Variants in SLC39A11 observed in about 807,000 individuals in gnomAD.
SLC39A11 encodes the protein solute carrier family 39 member 11, also known as zinc transporter ZIP11.
Under a neutral mutation model 36.1 loss-of-function variants are expected in SLC39A11, and 33 were observed. That is an observed-to-expected ratio of 0.91 (90% CI 0.69 to 1.22). SLC39A11 has a LOEUF of 1.22. Ranked by LOEUF, SLC39A11 falls within the 50% of genes most tolerant of loss-of-function variation. SLC39A11 has a pLI of 0.00. For synonymous variants in SLC39A11, 166 were observed against 170.3 expected, an observed-to-expected ratio of 0.97 and a Z score of 0.20; for missense variants, 432 against 430.3, an observed-to-expected ratio of 1.00 and a Z score of -0.03.
At chr17:72,792,407 C>T (rs1328390906) in intron 6 of SLC39A11, among the ~76,000 whole-genome samples, 1 of 152,204 alleles carries the variant, frequency 6.6e-6, no homozygotes, top group Non-Finnish European at 1.5e-5. Flanking sequence ...TGATGTGGAA[C>T]TACCTAGGTG....
chr17:72,846,018 C>CTTTTTGTTTTTT (rs2079036367), intron 6 of SLC39A11, among the ~76,000 whole-genome samples: 1 of 57,950 alleles, frequency 1.7e-5, no homozygotes, highest in Non-Finnish European at 2.8e-5. Context: ...CTCTCTCTCT[C>CTTTTTGTTTTTT]TTTTTTTTTT....
intron 7 of SLC39A11, among the ~76,000 whole-genome samples, chr17:72,715,308 A>G (rs2073305809): frequency 6.6e-6 from 1 of 152,216 alleles, no homozygotes; most frequent in Admixed American, 6.5e-5. Context: ...CATATACCCC[A>G]AAGAACCTCA....
chr17:72,816,444 T>C (rs2077587280), intron 6 of SLC39A11, among the ~76,000 whole-genome samples: 3 of 38,556 alleles, frequency 7.8e-5, no homozygotes, highest in African/African-American at 3.4e-4. Flanking sequence ...CCTTTCTTAA[T>C]TAGAAGCGAA....
intron 7 of SLC39A11, among the ~76,000 whole-genome samples, chr17:72,659,873 T>C (rs1475500833): frequency 2.0e-5 from 3 of 152,132 alleles, no homozygotes; most frequent in Non-Finnish European, 4.4e-5. Context: ...AGTGTTGGGA[T>C]TACAGGCTTG....
In SLC39A11 at chr17:72,784,860, CTTTT is replaced by C. The variant is rs10594452; in HGVS notation, c.602-48145_602-48142del. On this transcript the variant is annotated intron_variant, in intron 6 of 9. Transcript: ENST00000255559. Reference sequence around the variant, plus strand: ...CAATTAAACCTCTTTTTTCTTTCTTCTTTTTTTTTTTTTTTTTTAGATGGAATCT... The same window carrying C: ...CAATTAAACCTCTTTTTTCTTTCTTCTTTTTTTTTTTTTTAGATGGAATCT... 5.9e-3 allele frequency among the ~76,000 whole-genome samples: 799 copies of C among 134,696 alleles called. 5 individuals are homozygous for C. Among genetic ancestry groups the C allele is most frequent in the Middle Eastern group, 0.015 (4 of 260 alleles). The allele number at this position is 134,696 out of a possible 152,430, so 88.4% of individuals were successfully genotyped here.
intron 5 of SLC39A11, among the ~76,000 whole-genome samples, chr17:72,860,664 T>G (rs763737447): frequency 2.4e-4 from 37 of 152,188 alleles, no homozygotes; most frequent in Admixed American, 1.0e-3. Flanking sequence ...CTTTTCTTAC[T>G]TCTTCAGGAT....
At chr17:72,938,901 T>G (rs1432576331) in intron 5 of SLC39A11, among the ~76,000 whole-genome samples, 1 of 152,250 alleles carries the variant, frequency 6.6e-6, no homozygotes, top group African/African-American at 2.4e-5. Context: ...CAGTAGATAC[T>G]TAATGAATAT....
At chr17:72,978,759 C>T (rs1048519694) in intron 4 of SLC39A11, among the ~76,000 whole-genome samples, 1 of 152,072 alleles carries the variant, frequency 6.6e-6, no homozygotes, top group African/African-American at 2.4e-5. Context: ...GATGGGTCCA[C>T]AAGACCTTTT....
chr17:72,711,353 G>A (rs771940963), intron 7 of SLC39A11, among the ~76,000 whole-genome samples: 2 of 152,168 alleles, frequency 1.3e-5, no homozygotes, highest in Non-Finnish European at 2.9e-5. Context: ...TCCTTAAAGG[G>A]GGGAAGTGTA....
At chr17:73,085,285 T>C (rs1312342250) in intron 2 of SLC39A11, among the ~76,000 whole-genome samples, 1 of 151,880 alleles carries the variant, frequency 6.6e-6, no homozygotes, top group South Asian at 2.1e-4. Context: ...GGCGGGCAGA[T>C]CACCTGAGGT....
chr17:73,029,070 A>G (rs1470214289), intron 4 of SLC39A11, among the ~76,000 whole-genome samples: 1 of 151,264 alleles, frequency 6.6e-6, no homozygotes, highest in East Asian at 1.9e-4. Flanking sequence ...GTGAGCCAAG[A>G]TCACGCCATT....
chr17:73,022,330 C>T (rs1041595751), intron 4 of SLC39A11, among the ~76,000 whole-genome samples: 5 of 152,224 alleles, frequency 3.3e-5, no homozygotes, highest in Non-Finnish European at 5.9e-5. Context: ...TGCAGTGGCT[C>T]ATGCCAGTAA....
chr17:73,058,009 CTTT>C lies in SLC39A11; in HGVS notation c.148-26298_148-26296del, dbSNP rs11322974. Among the ~76,000 whole-genome samples the C allele has an allele frequency of 4.0e-3, 477 of 118,514 alleles. 5 individuals are homozygous for C. The highest frequency in any genetic ancestry group is 0.013 in the African/African-American group (437 of 32,930). 77.7% of individuals were successfully genotyped at this position (118,514 alleles called of 152,430 possible). ...TATTTTAGTTATTTCGTTTTAGACT[CTTT>C]TTTTTTTTTTTTTTTGTAAAAGAAA... On this transcript the variant is annotated intron_variant, in intron 3 of 9. Transcript: ENST00000255559.
chr17:72,840,538 C>A (rs1265377121), intron 6 of SLC39A11, among the ~76,000 whole-genome samples: 1 of 152,164 alleles, frequency 6.6e-6, no homozygotes, highest in African/African-American at 2.4e-5. Context: ...GTGGGCGGAT[C>A]ACCTGAGGTC....
Position 72,698,979 on chromosome 17 carries a change from C to T in SLC39A11, c.671+37671G>A, listed in dbSNP as rs563599608. On this transcript the variant is annotated intron_variant, in intron 7 of 9. Transcript: ENST00000255559. Reference sequence around the variant, plus strand: ...CCGAGTAGCTGGGACTACAGGCGCCCGCCACCACACCTAGATAATTTTTGT... The same window carrying T: ...CCGAGTAGCTGGGACTACAGGCGCCTGCCACCACACCTAGATAATTTTTGT... Among the ~76,000 whole-genome samples the T allele has an allele frequency of 1.7e-3, 259 of 152,154 alleles. 1 individual carries two copies. The highest frequency in any genetic ancestry group is 3.4e-3 in the Middle Eastern group (1 of 294).
At chr17:72,782,687 CAAAA>C (rs72447211) in intron 6 of SLC39A11, among the ~76,000 whole-genome samples, 3,988 of 61,704 alleles carry the variant, frequency 0.065, 27 homozygotes, top group Non-Finnish European at 0.069. Flanking sequence ...GACCCCATCT[CAAAA>C]AAAAAAAAAA....
intron 4 of SLC39A11, among the ~76,000 whole-genome samples, chr17:73,019,022 A>C (rs1469541764): frequency 6.6e-6 from 1 of 152,222 alleles, no homozygotes; most frequent in Admixed American, 6.5e-5. Flanking sequence ...GGACCTTAGA[A>C]TCTCATCTTC....
At chr17:72,865,408 C>T (rs2080251274) in intron 5 of SLC39A11, among the ~76,000 whole-genome samples, 2 of 129,626 alleles carry the variant, frequency 1.5e-5, no homozygotes, top group South Asian at 5.5e-4. Flanking sequence ...AAAAAAACTG[C>T]TCGAAAAAAA....
chr17:72,920,726 C>G (rs1169064936), intron 5 of SLC39A11, among the ~76,000 whole-genome samples: 1 of 149,608 alleles, frequency 6.7e-6, no homozygotes, highest in Non-Finnish European at 1.5e-5. Context: ...TTCCCACCCC[C>G]TCTACAACTA....
Sources: gnomAD v4.1 joint callset for allele counts (sites outside exome capture counted in the v4.1 genomes callset) on GRCh38, gnomAD v4.1.1 for gene constraint, MANE v1.5 for transcripts, NCBI Gene and HGNC (gene_info 2026-07-23, HGNC 2026-07-21) for gene names.